Variants in DNAH8 observed in about 807,000 individuals in gnomAD.
DNAH8 encodes the protein axonemal beta dynein heavy chain 8.
Under a neutral mutation model 562.1 loss-of-function variants are expected in DNAH8, and 382 were observed. The ratio of observed to expected loss-of-function variants is 0.68; its 90% confidence interval spans 0.63 to 0.74. DNAH8 has a LOEUF of 0.74. DNAH8 is among the 30% of genes least tolerant of loss of function. The pLI, the probability that DNAH8 is intolerant of heterozygous loss-of-function variation, is 0.00. For synonymous variants in DNAH8, 1,881 were observed against 1,919.4 expected, an observed-to-expected ratio of 0.98 and a Z score of 0.52; for missense variants, 5,203 against 5,620.4, an observed-to-expected ratio of 0.93 and a Z score of 2.37.
At chr6:39,015,132 G>GT (rs1368543139) in intron 91 of DNAH8, among the ~76,000 whole-genome samples, 21 of 152,144 alleles carry the variant, frequency 1.4e-4, no homozygotes, top group Non-Finnish European at 2.5e-4. Flanking sequence ...TGGGAGAGGC[G>GT]TAAGGACCAA....
chr6:38,936,881 G>A (rs1257278068), intron 77 of DNAH8, among the ~76,000 whole-genome samples: 1 of 152,214 alleles, frequency 6.6e-6, no homozygotes, highest in African/African-American at 2.4e-5. Context: ...GTAGGCCAGA[G>A]TGCTGCTGTT....
At chr6:39,022,202 A>G (rs1766961499) in intron 91 of DNAH8, among the ~76,000 whole-genome samples, 1 of 152,198 alleles carries the variant, frequency 6.6e-6, no homozygotes, top group Admixed American at 6.5e-5. Flanking sequence ...GTAGCTGTCT[A>G]TAACTTTCAT....
chr6:38,759,082 C>A (rs905517797), intron 10 of DNAH8, among the ~76,000 whole-genome samples: 4 of 151,928 alleles, frequency 2.6e-5, no homozygotes, highest in Non-Finnish European at 4.4e-5. Context: ...GTGGGAGGAT[C>A]GCTGGAGCTC....
At chr6:38,935,728 C>A in intron 77 of DNAH8, 31 bp downstream of exon 77, 2 of 1,465,816 alleles carry the variant, frequency 1.4e-6, no homozygotes, top group South Asian at 2.4e-5. Context: ...AATGAAATAA[C>A]GGATTCTGAA....
intron 19 of DNAH8, 38 bp downstream of exon 19, chr6:38,789,921 A>G: frequency 1.3e-6 from 2 of 1,481,560 alleles, no homozygotes; most frequent in Non-Finnish European, 9.4e-7. Context: ...TTTTCCTGTT[A>G]TTTAAAATTA....
chr6:38,900,100 A>G (rs1205238232), intron 62 of DNAH8, among the ~76,000 whole-genome samples, 194 bp downstream of exon 62: 1 of 152,116 alleles, frequency 6.6e-6, no homozygotes, highest in African/African-American at 2.4e-5. Flanking sequence ...ATGAAGAAAT[A>G]AAACACTTCT....
intron 88 of DNAH8, among the ~76,000 whole-genome samples, chr6:39,006,831 A>G (rs942471295): frequency 1.3e-5 from 2 of 152,160 alleles, no homozygotes; most frequent in Non-Finnish European, 2.9e-5. Context: ...TCTTCTTCTG[A>G]CAGGTGGAGG....
intron 53 of DNAH8, among the ~76,000 whole-genome samples, chr6:38,882,137 G>A (rs862429): frequency 0.066 from 9,920 of 149,704 alleles, 1,007 homozygotes; most frequent in African/African-American, 0.22. Flanking sequence ...CAGCCATTAC[G>A]GAAAGCAGTT....
chr6:38,981,785 C>G (rs1764055475), intron 85 of DNAH8, among the ~76,000 whole-genome samples: 1 of 152,140 alleles, frequency 6.6e-6, no homozygotes, highest in African/African-American at 2.4e-5. Flanking sequence ...TTTTTTAAAA[C>G]CCAAGAACTC....
rs141326848 is a variant in DNAH8 at position 38,741,757 on chromosome 6, G to T, written c.1163G>T (p.Gly388Val). The T allele has an allele frequency of 1.7e-5, 28 of 1,613,836 alleles. No individual in the cohort carries two copies. The African/African-American group carries it at 3.5e-4, about 20-fold the overall frequency. Residue 388 changes from glycine to valine, a missense_variant, in exon 8 of 93, where the codon GGT (glycine) becomes GTT (valine). Physicochemically the swap from Gly to Val is moderately radical, Grantham distance 109. Coordinates refer to ENST00000327475, the MANE Select transcript of DNAH8 (RefSeq NM_001206927.2). ...EQMRKEAGDSGPLTELEHWKR... is the reference protein window; with the variant it reads ...EQMRKEAGDSVPLTELEHWKR... ...ATGAGAAAAGAAGCTGGTGATTCAGGTCCACTCACTGAATTGGAACACTGG... is the reference window on the plus strand; with the variant it reads ...ATGAGAAAAGAAGCTGGTGATTCAGTTCCACTCACTGAATTGGAACACTGG...
At chr6:38,917,879 A>T in intron 69 of DNAH8, 46 bp from the exon 70 acceptor site, 1 of 1,420,512 alleles carries the variant, frequency 7.0e-7, no homozygotes, top group Non-Finnish European at 9.7e-7. Context: ...ACTCAGGAAG[A>T]AAGTATTTTC....
At position 38,873,002 on chromosome 6, in the gene DNAH8, C is replaced by G. The variant is rs1777585462; in HGVS notation, c.7334C>G (p.Ala2445Gly). The change falls in exon 51 of 93, where the codon GCT (alanine) becomes GGT (glycine). Residue 2445 changes from alanine to glycine, a missense_variant. By Grantham distance (60) the Ala-to-Gly change is moderately conservative (BLOSUM62 0). Coordinates refer to ENST00000327475, the MANE Select transcript of DNAH8 (RefSeq NM_001206927.2). ...GATGACAATAAAACTCTGACGTTAG[C>G]TAATGGAGATCGCATTCCCATGGCC... Reference protein sequence around the residue: ...VLDDNKTLTLANGDRIPMAPS... With the variant: ...VLDDNKTLTLGNGDRIPMAPS... 1 of 1,614,132 alleles carries G rather than the reference C, an allele frequency of 6.2e-7. No individual in the cohort carries two copies. Among genetic ancestry groups the G allele is most frequent in the Non-Finnish European group, 8.5e-7 (1 of 1,180,008 alleles).
At chr6:38,924,981 A>T (rs1204152964) in intron 73 of DNAH8, 1 of 152,216 alleles carries the variant, frequency 6.6e-6, no homozygotes, top group East Asian at 1.9e-4. Context: ...GTTGTAATAA[A>T]TGCTTTCCAG....
intron 70 of DNAH8, 75 bp downstream of exon 70, chr6:38,918,215 A>T: frequency 9.1e-7 from 1 of 1,097,960 alleles, no homozygotes; most frequent in Non-Finnish European, 1.3e-6. Flanking sequence ...CTATTAAAAG[A>T]CAATGCGTAG....
At chr6:38,768,157 T>A (rs1172519041) in intron 11 of DNAH8, among the ~76,000 whole-genome samples, 4 of 152,164 alleles carry the variant, frequency 2.6e-5, no homozygotes, top group African/African-American at 9.7e-5. Context: ...TTGTTTGGGT[T>A]TTTTGTTGTT....
chr6:38,819,365 A>G (rs1268263115), intron 26 of DNAH8, among the ~76,000 whole-genome samples: 1 of 152,220 alleles, frequency 6.6e-6, no homozygotes, highest in African/African-American at 2.4e-5. Flanking sequence ...TATTGGTAAC[A>G]TTCTATTCTT....
chr6:39,010,035 G>A (rs923083475), intron 89 of DNAH8, among the ~76,000 whole-genome samples: 1 of 152,170 alleles, frequency 6.6e-6, no homozygotes, highest in African/African-American at 2.4e-5. Context: ...TTACACCACA[G>A]GACTGCTATT....
Position 38,786,949 on chromosome 6 carries a change from G to T in DNAH8, c.2580G>T (p.Leu860Phe), listed in dbSNP as rs776941636. The T allele has an allele frequency of 7.5e-6, 12 of 1,598,972 alleles. No homozygotes were observed. Among genetic ancestry groups the T allele is most frequent in the Admixed American group, 3.5e-5 (2 of 57,010 alleles). Residue 860 changes from leucine (L) to phenylalanine (F), a missense_variant, in exon 18 of 93, where the codon TTG becomes TTT. This residue lies in a region of DNAH8 where 2,176 missense variants were observed against 2,365.1 expected (regional missense o/e 0.92). Coordinates refer to ENST00000327475, the MANE Select transcript of DNAH8 (RefSeq NM_001206927.2). ...ESKLKADKLY[L>F]QGLLQYYDEL... ...AATTGAAAGCAGACAAACTGTATTTGCAGGTAAGATAGATTATGTTTTCTA... is the reference window on the plus strand; with the variant it reads ...AATTGAAAGCAGACAAACTGTATTTTCAGGTAAGATAGATTATGTTTTCTA...
At chr6:38,857,113 A>T (rs72852721) in intron 41 of DNAH8, among the ~76,000 whole-genome samples, 18,805 of 152,194 alleles carry the variant, frequency 0.12, 1,413 homozygotes, top group Admixed American at 0.21. Flanking sequence ...AAGAAAGGAG[A>T]TAGGCAGTGT....
Sources: allele counts gnomAD v4.1 joint callset (sites outside exome capture counted in the v4.1 genomes callset), GRCh38; gene constraint gnomAD v4.1.1; regional missense constraint gnomAD v4.1.1; transcripts MANE v1.5; gene names NCBI Gene and HGNC (gene_info 2026-07-23, HGNC 2026-07-21).